DLGAP2: variants seen among roughly 807,000 people sequenced by gnomAD.
The protein encoded by DLGAP2 is disks large-associated protein 2.
Under a neutral mutation model 100.3 loss-of-function variants are expected in DLGAP2, and 26 were observed. The observed-to-expected ratio is 0.26, with a 90% CI of 0.19 to 0.36. The LOEUF (loss-of-function observed/expected upper bound fraction) is 0.36. Among genes scored for constraint, DLGAP2 ranks in the 10% least tolerant of loss-of-function variants. The probability of loss-of-function intolerance (pLI) is 1.00; values close to 1 mark genes in which losing one functional copy is unlikely to be tolerated. For synonymous variants in DLGAP2, 886 were observed against 630.1 expected, an observed-to-expected ratio of 1.41 and a Z score of -6.08; for missense variants, 1,858 against 1,453.2, an observed-to-expected ratio of 1.28 and a Z score of -4.53.
At chr8:1,659,597 TG>T (rs1198899548) in intron 8 of DLGAP2, among the ~76,000 whole-genome samples, 1 of 152,246 alleles carries the variant, frequency 6.6e-6, no homozygotes, top group East Asian at 1.9e-4. Context: ...CTTTAGGCAA[TG>T]CCCTTCTTTG....
chr8:748,431 C>A (rs1294221349), intron 1 of DLGAP2, among the ~76,000 whole-genome samples: 4 of 152,078 alleles, frequency 2.6e-5, no homozygotes, highest in African/African-American at 4.8e-5. Context: ...GGTGCAGGGC[C>A]CCTGGGTGGG....
chr8:973,070 C>T (rs1800058599), intron 2 of DLGAP2, among the ~76,000 whole-genome samples: 1 of 152,254 alleles, frequency 6.6e-6, no homozygotes, highest in African/African-American at 2.4e-5. Flanking sequence ...ACCACATTTC[C>T]CCCTTTTCTA....
intron 2 of DLGAP2, among the ~76,000 whole-genome samples, chr8:1,242,210 A>G (rs890085670): frequency 3.3e-5 from 5 of 152,206 alleles, no homozygotes; most frequent in Non-Finnish European, 5.9e-5. Flanking sequence ...GAGCTCTGGG[A>G]ACTGAGGGCC....
At chr8:1,031,852 TA>T (rs1393896819) in intron 2 of DLGAP2, among the ~76,000 whole-genome samples, 2 of 152,240 alleles carry the variant, frequency 1.3e-5, no homozygotes, top group Non-Finnish European at 2.9e-5. Context: ...AAATGCTGTT[TA>T]TGTTAGAAAT....
chr8:1,271,933 C>G (rs1380890256), intron 3 of DLGAP2, among the ~76,000 whole-genome samples: 13 of 152,328 alleles, frequency 8.5e-5, no homozygotes, highest in African/African-American at 2.9e-4. Context: ...GCCTCAGCTT[C>G]CCAACTAGCT....
chr8:1,526,539 C>T (rs763271948), intron 4 of DLGAP2, among the ~76,000 whole-genome samples: 2 of 152,190 alleles, frequency 1.3e-5, no homozygotes, highest in Non-Finnish European at 2.9e-5. Context: ...ATCATTTGAA[C>T]AAGCAAAGCT....
chr8:738,448 C>T lies in DLGAP2; in HGVS notation c.18+623C>T, dbSNP rs1334822814. ...GCGAGGGGGTGGCCGCCGCCCGGCT[C>T]TCCAAGTGCGAGCGAGGAGCTCGGG... On this transcript the variant is annotated intron_variant, in intron 1 of 14. Transcript: ENST00000637795. 3 of 152,350 alleles carry T rather than the reference C, an allele frequency of 2.0e-5. No individual in the cohort carries two copies. The East Asian group carries it at 5.8e-4, about 30-fold the overall frequency. 9.4% of individuals were successfully genotyped at this position (152,350 alleles called of 1,614,324 possible). A position where few individuals can be genotyped will look rare whatever the true frequency, so the allele number is the denominator to read the frequency against.
intron 3 of DLGAP2, among the ~76,000 whole-genome samples, chr8:1,390,561 C>T: frequency 6.6e-6 from 1 of 152,090 alleles, no homozygotes; most frequent in East Asian, 1.9e-4. Context: ...CTCCTGTATG[C>T]TTGCGGGCCT....
At chr8:925,734 A>T (rs1798800432) in intron 2 of DLGAP2, among the ~76,000 whole-genome samples, 1 of 152,096 alleles carries the variant, frequency 6.6e-6, no homozygotes, top group South Asian at 2.1e-4. Context: ...TGTTAAAAGG[A>T]ATTGGCTCAT....
intron 3 of DLGAP2, among the ~76,000 whole-genome samples, chr8:1,482,890 G>T (rs1424896742): frequency 2.6e-5 from 4 of 152,254 alleles, no homozygotes; most frequent in African/African-American, 9.6e-5. Flanking sequence ...AAGAAGCAAA[G>T]ACACGAGCGA....
intron 12 of DLGAP2, among the ~76,000 whole-genome samples, chr8:1,686,118 C>A (rs1380017628): frequency 6.6e-6 from 1 of 152,184 alleles, no homozygotes; most frequent in Non-Finnish European, 1.5e-5. Flanking sequence ...GATTTCTGCA[C>A]CCACATGTTT....
rs191599429 is a variant in DLGAP2 at position 857,820 on chromosome 8, G to T, written c.19-50092G>T. Among the ~76,000 whole-genome samples, 80 of 152,272 alleles carry T rather than the reference G, an allele frequency of 5.3e-4. No homozygotes were observed. In the East Asian group the frequency reaches 0.015, roughly 28 times the overall value. On this transcript the variant is annotated intron_variant, in intron 1 of 14. Transcript: ENST00000637795. Reference sequence around the variant, plus strand: ...ATGCCGTCTAGCAGTCAGGCTCCTAGGTGTTCACCCAGATACTTGAAAACT... The same window carrying T: ...ATGCCGTCTAGCAGTCAGGCTCCTATGTGTTCACCCAGATACTTGAAAACT...
chr8:737,948 C>T (rs1277249823), intron 1 of DLGAP2, 123 bp downstream of exon 1: 3 of 347,282 alleles, frequency 8.6e-6, no homozygotes, highest in African/African-American at 2.2e-5. Flanking sequence ...GGGGCGGGGG[C>T]GAGCGGGGGT....
At chr8:1,347,352 TGA>T (rs768386812) in intron 3 of DLGAP2, among the ~76,000 whole-genome samples, 1 of 151,698 alleles carries the variant, frequency 6.6e-6, no homozygotes, top group Non-Finnish European at 1.5e-5. Context: ...GGGTGGAGGT[TGA>T]GTTCCCATAC....
At chr8:1,348,710 G>T (rs1227510461) in intron 3 of DLGAP2, among the ~76,000 whole-genome samples, 1 of 152,202 alleles carries the variant, frequency 6.6e-6, no homozygotes, top group Non-Finnish European at 1.5e-5. Flanking sequence ...TCTCATGGCC[G>T]CTGTGCGGAG....
At chr8:1,237,670 G>A (rs1202339038) in intron 2 of DLGAP2, among the ~76,000 whole-genome samples, 1 of 80,882 alleles carries the variant, frequency 1.2e-5, no homozygotes, top group East Asian at 4.4e-4. Context: ...GTCATGTCTA[G>A]TTCTCTCTCA....
At chr8:1,161,331 G>A (rs774771543) in intron 2 of DLGAP2, among the ~76,000 whole-genome samples, 8 of 152,298 alleles carry the variant, frequency 5.3e-5, no homozygotes, top group Admixed American at 3.9e-4. Context: ...GAGATGGTAA[G>A]TGGAAAGGCG....
At chr8:1,350,795 T>C (rs1801701179) in intron 3 of DLGAP2, among the ~76,000 whole-genome samples, 1 of 52,018 alleles carries the variant, frequency 1.9e-5, no homozygotes. Context: ...GTGCGGGTCC[T>C]GAGTGTGCGT....
At chr8:1,000,804 A>G (rs1800933656) in intron 2 of DLGAP2, among the ~76,000 whole-genome samples, 1 of 152,088 alleles carries the variant, frequency 6.6e-6, no homozygotes, top group African/African-American at 2.4e-5. Flanking sequence ...CAAGACTCCA[A>G]GCAGCCTCTG....
Sources: gnomAD v4.1 joint callset for allele counts (sites outside exome capture counted in the v4.1 genomes callset) on GRCh38, gnomAD v4.1.1 for gene constraint, MANE v1.5 for transcripts, NCBI Gene and HGNC (gene_info 2026-07-23, HGNC 2026-07-21) for gene names.